SYNRG: variants seen among roughly 807,000 people sequenced by gnomAD.
The protein encoded by SYNRG is AP1 gamma subunit binding protein 1.
A neutral mutation model predicts 130.9 loss-of-function variants in SYNRG; 37 were observed. That is an observed-to-expected ratio of 0.28 (90% CI 0.22 to 0.37). The LOEUF is 0.37. Ranked by LOEUF, SYNRG falls within the 10% of genes least tolerant of loss-of-function variation. SYNRG has a pLI of 1.00. For synonymous variants in SYNRG, 539 were observed against 568.1 expected (o/e 0.95, Z 0.73); for missense variants, 1,338 against 1,588.9 (o/e 0.84, Z 2.68).
chr17:37,549,877 C>CCA (rs2145223266), intron 14 of SYNRG, among the ~76,000 whole-genome samples: 1 of 152,260 alleles, frequency 6.6e-6, no homozygotes, highest in African/African-American at 2.4e-5. Context: ...CAGGTGTGAG[C>CCA]CACCGTGCCC....
intron 10 of SYNRG, among the ~76,000 whole-genome samples, chr17:37,570,197 G>A (rs2060319649): frequency 6.9e-6 from 1 of 145,778 alleles, no homozygotes; most frequent in South Asian, 2.2e-4. Flanking sequence ...CCAAGCAGGA[G>A]TGCAATGGTG....
intron 13 of SYNRG, 74 bp from the exon 14 acceptor site, chr17:37,554,133 G>T: frequency 1.5e-6 from 2 of 1,367,326 alleles, no homozygotes; most frequent in Non-Finnish European, 2.0e-6. Context: ...ATATTAAACT[G>T]CAAGCATAAT....
intron 6 of SYNRG, among the ~76,000 whole-genome samples, 175 bp from the exon 7 acceptor site, chr17:37,577,788 TC>T (rs2060968573): frequency 7.0e-6 from 1 of 143,524 alleles, no homozygotes; most frequent in East Asian, 2.2e-4. Flanking sequence ...AACCTCTGCC[TC>T]CCAGGTTCAA....
rs73984260 is a variant in SYNRG, at chr17:37,529,811, G to C, written c.3666+6168C>G. 8.4e-4 allele frequency: 1,305 copies of C among 1,551,566 alleles called. 16 individuals carry two copies. In the African/African-American group the frequency reaches 0.016, roughly 19 times the overall value. ...TTCTTCTAAGAGCTCATGGTAAGGA[G>C]AGAGATGCTTTGTAATCACAGTCAT... On this transcript the variant is annotated intron_variant, in intron 19 of 21. Coordinates refer to ENST00000612223, the MANE Select transcript of SYNRG (RefSeq NM_007247.6).
Position 37,600,436 on chromosome 17 carries a change from C to G in SYNRG, c.78-33G>C, listed in dbSNP as rs368927455. On this transcript the variant is annotated intron_variant, in intron 1 of 21. Coordinates refer to ENST00000612223, the MANE Select transcript of SYNRG (RefSeq NM_007247.6). ...CAGAATAAAAATACATTATAATCTT[C>G]GTATGTACAAAGATTTCAAATAACA... is the stretch of plus-strand genomic sequence containing the variant. 3.1e-4 allele frequency: 494 copies of G among 1,603,540 alleles called. 7 individuals carry two copies. In the South Asian group the frequency reaches 5.2e-3, roughly 17 times the overall value.
rs183403949 is a variant in SYNRG at position 37,594,290 on chromosome 17, T to G, written c.240+1933A>C. 6.1e-5 allele frequency among the ~76,000 whole-genome samples: 9 copies of G among 147,104 alleles called. No individual in the cohort carries two copies. The East Asian group carries it at 1.8e-3, about 29-fold the overall frequency. ...TACAATAATATTAATTTTAATTATA[T>G]TAATTACAATATTAATTATTTTAAT... On this transcript the variant is annotated intron_variant, in intron 3 of 21. Transcript: ENST00000612223.
chr17:37,575,894 A>G (rs1598448897), intron 8 of SYNRG, among the ~76,000 whole-genome samples: 1 of 151,578 alleles, frequency 6.6e-6, no homozygotes, highest in Non-Finnish European at 1.5e-5. Context: ...TTCCAATGTG[A>G]AAAAAAAGAT....
intron 11 of SYNRG, among the ~76,000 whole-genome samples, chr17:37,565,045 C>T (rs959312407): frequency 1.3e-5 from 2 of 152,172 alleles, no homozygotes. Flanking sequence ...AGGCAGATCA[C>T]CTGAGGTCAG....
In SYNRG at chr17:37,550,619, G is replaced by A. The variant is rs117384802; in HGVS notation, c.2608+2496C>T. On this transcript the variant is annotated intron_variant, in intron 14 of 21. Coordinates refer to ENST00000612223, the MANE Select transcript of SYNRG (RefSeq NM_007247.6). ...AAGCATGCAGATCAGTATTTGCAGA[G>A]GAATATACTAAAGTAAATTTGAAGG... Among the ~76,000 whole-genome samples the A allele has an allele frequency of 6.6e-5, 10 of 151,222 alleles. No individual in the cohort carries two copies. In the East Asian group the frequency reaches 1.4e-3, roughly 21 times the overall value.
intron 15 of SYNRG, 61 bp downstream of exon 15, chr17:37,541,911 A>C: frequency 7.0e-7 from 1 of 1,432,460 alleles, no homozygotes. Context: ...ATTCTTAAGA[A>C]CATCTAACAT....
intron 14 of SYNRG, among the ~76,000 whole-genome samples, chr17:37,550,414 A>C (rs1215596004): frequency 2.6e-5 from 4 of 152,234 alleles, no homozygotes; most frequent in Non-Finnish European, 4.4e-5. Flanking sequence ...CTCTAGTCTT[A>C]GGATACTATT....
chr17:37,559,943 G>A (rs760254912), intron 13 of SYNRG, among the ~76,000 whole-genome samples: 1 of 152,174 alleles, frequency 6.6e-6, no homozygotes, highest in Non-Finnish European at 1.5e-5. Flanking sequence ...CTGTGACCAG[G>A]CTGGGGTACA....
intron 6 of SYNRG, among the ~76,000 whole-genome samples, chr17:37,581,765 CTTTTTTT>C (rs398041650): frequency 9.5e-6 from 1 of 105,310 alleles, no homozygotes; most frequent in African/African-American, 3.6e-5. Context: ...CATTTTTTTT[CTTTTTTT>C]TTTTTTTTTT....
At chr17:37,564,154 G>T (rs1022405279) in intron 11 of SYNRG, among the ~76,000 whole-genome samples, 1 of 151,816 alleles carries the variant, frequency 6.6e-6, no homozygotes, top group Non-Finnish European at 1.5e-5. Context: ...GCCAACCCTG[G>T]CCCCCTTGTT....
At chr17:37,535,098 T>A (rs1250950087) in intron 19 of SYNRG, among the ~76,000 whole-genome samples, 2 of 152,238 alleles carry the variant, frequency 1.3e-5, no homozygotes, top group South Asian at 4.1e-4. Context: ...TTTACAAGCT[T>A]ATATATATGT....
chr17:37,521,033 CT>C (rs66478744), intron 19 of SYNRG, among the ~76,000 whole-genome samples: 81,901 of 126,184 alleles, frequency 0.65, 26,369 homozygotes, highest in East Asian at 0.93. Flanking sequence ...TTTTTCTTTT[CT>C]TTTTTTTTTT....
Position 37,536,133 on chromosome 17 carries a change from G to A in SYNRG, c.3518-6C>T, listed in dbSNP as rs370372736. ...CCTGTACACTTCAACAACACCTGACGGGATGAGAGAGCAGAGAGAGAGTGT... is the reference window on the plus strand; with the variant it reads ...CCTGTACACTTCAACAACACCTGACAGGATGAGAGAGCAGAGAGAGAGTGT... On this transcript the variant is annotated splice_region_variant and splice_polypyrimidine_tract_variant and intron_variant, in intron 18 of 21. Transcript: ENST00000612223. 7.4e-5 allele frequency: 118 copies of A among 1,604,630 alleles called. 1 individual carries two copies. In the East Asian group the frequency reaches 1.4e-3, roughly 19 times the overall value.
intron 1 of SYNRG, among the ~76,000 whole-genome samples, chr17:37,602,774 A>G (rs2063404119): frequency 6.6e-6 from 1 of 152,252 alleles, no homozygotes; most frequent in Non-Finnish European, 1.5e-5. Context: ...CTGTAATCCC[A>G]GCACTTTGGG....
At chr17:37,605,766 C>A (rs2063697695) in intron 1 of SYNRG, 1 of 968,724 alleles carries the variant, frequency 1.0e-6, no homozygotes, top group Non-Finnish European at 1.2e-6. Context: ...AAAGGTAAAA[C>A]CACTAATTCT....
Sources: gnomAD v4.1 joint callset for allele counts (sites outside exome capture counted in the v4.1 genomes callset) on GRCh38, gnomAD v4.1.1 for gene constraint, MANE v1.5 for transcripts, NCBI Gene and HGNC (gene_info 2026-07-23, HGNC 2026-07-21) for gene names.